STPG2: variants seen among roughly 807,000 people sequenced by gnomAD.
STPG2 encodes sperm-tail PG-rich repeat-containing protein 2.
A neutral mutation model predicts 54.2 loss-of-function variants in STPG2; 56 were observed. That is an observed-to-expected ratio of 1.03 (90% CI 0.83 to 1.29). The LOEUF is 1.29. STPG2 is among the 50% of genes most tolerant of loss of function. The probability of loss-of-function intolerance (pLI) is 0.00; values close to 1 mark genes in which losing one functional copy is unlikely to be tolerated. For missense variants in STPG2, 596 were observed against 544.9 expected (o/e 1.09, Z -0.93); for synonymous variants, 200 against 181.8 (o/e 1.10, Z -0.81).
chr4:97,862,859 C>A (rs1014644900), intron 8 of STPG2, among the ~76,000 whole-genome samples: 2 of 152,088 alleles, frequency 1.3e-5, no homozygotes, highest in Non-Finnish European at 2.9e-5. Flanking sequence ...GCATACGTAA[C>A]GAAATGGAGG....
chr4:97,902,489 G>A (rs1442035077), intron 8 of STPG2, among the ~76,000 whole-genome samples: 2 of 152,158 alleles, frequency 1.3e-5, no homozygotes, highest in East Asian at 3.9e-4. Flanking sequence ...CAAAATACTT[G>A]AATAAGATAT....
intron 4 of STPG2, among the ~76,000 whole-genome samples, chr4:97,517,289 T>C (rs1731094632): frequency 6.6e-6 from 1 of 151,998 alleles, no homozygotes; most frequent in Non-Finnish European, 1.5e-5. Flanking sequence ...GGCAGGAAAA[T>C]TGCTTGAGCC....
At chr4:97,595,250 C>T (rs1342424782) in intron 10 of STPG2, among the ~76,000 whole-genome samples, 1 of 152,130 alleles carries the variant, frequency 6.6e-6, no homozygotes, top group African/African-American at 2.4e-5. Context: ...CACATATACA[C>T]CATGGAATAC....
intron 9 of STPG2, among the ~76,000 whole-genome samples, chr4:97,740,571 GACAA>G (rs1313233670): frequency 2.6e-5 from 4 of 151,960 alleles, no homozygotes; most frequent in African/African-American, 4.8e-5. Flanking sequence ...ACCAATAACA[GACAA>G]ACAGAGAGCC....
At chr4:97,622,889 C>G (rs927664620) in intron 10 of STPG2, among the ~76,000 whole-genome samples, 3 of 152,090 alleles carry the variant, frequency 2.0e-5, no homozygotes, top group Non-Finnish European at 2.9e-5. Context: ...CTATAGTAAT[C>G]AAAACAGCAC....
intron 10 of STPG2, among the ~76,000 whole-genome samples, chr4:97,679,878 T>C (rs1722975916): frequency 1.3e-5 from 2 of 152,002 alleles, no homozygotes; most frequent in South Asian, 2.1e-4. Flanking sequence ...ATTTATTAAA[T>C]AGGGAATCCT....
chr4:97,694,482 A>C (rs1486967636), intron 10 of STPG2, among the ~76,000 whole-genome samples: 1 of 152,044 alleles, frequency 6.6e-6, no homozygotes, highest in Non-Finnish European at 1.5e-5. Flanking sequence ...TGAACAGATC[A>C]GTAACAAGCA....
intron 10 of STPG2, among the ~76,000 whole-genome samples, chr4:97,632,999 T>C (rs1403720174): frequency 6.6e-6 from 1 of 152,112 alleles, no homozygotes; most frequent in Non-Finnish European, 1.5e-5. Context: ...GGTAGGTAGG[T>C]AGATCAATAG....
intron 5 of STPG2, among the ~76,000 whole-genome samples, chr4:98,090,677 C>T (rs2110126001): frequency 6.6e-6 from 1 of 152,072 alleles, no homozygotes; most frequent in Admixed American, 6.5e-5. Context: ...ATTGATTCTC[C>T]CCAACCATCA....
intron 9 of STPG2, among the ~76,000 whole-genome samples, chr4:97,779,288 C>A (rs552622919): frequency 1.9e-4 from 29 of 152,092 alleles, no homozygotes; most frequent in Non-Finnish European, 4.0e-4. Flanking sequence ...GACAAATGTA[C>A]AAGCTTCAGT....
chr4:97,997,850 G>T (rs1398451364), intron 5 of STPG2, among the ~76,000 whole-genome samples: 1 of 152,072 alleles, frequency 6.6e-6, no homozygotes, highest in Non-Finnish European at 1.5e-5. Flanking sequence ...AGACACTGGG[G>T]TCTACTTGCA....
intron 5 of STPG2, among the ~76,000 whole-genome samples, chr4:98,039,162 G>T (rs141948677): frequency 1.3e-5 from 2 of 151,632 alleles, no homozygotes; most frequent in Non-Finnish European, 2.9e-5. Flanking sequence ...AGGCAAAGAC[G>T]GTTAGTGCAA....
intron 8 of STPG2, among the ~76,000 whole-genome samples, chr4:97,903,324 C>T (rs1731252766): frequency 6.6e-6 from 1 of 151,912 alleles, no homozygotes; most frequent in Admixed American, 6.6e-5. Context: ...TATCTCAAAA[C>T]ATCACATTGT....
intron 10 of STPG2, among the ~76,000 whole-genome samples, chr4:97,602,650 G>T (rs1733494451): frequency 1.3e-5 from 2 of 151,464 alleles, no homozygotes; most frequent in African/African-American, 4.8e-5. Flanking sequence ...GAGTTTTATG[G>T]GACACTTTTT....
chr4:97,692,674 C>G (rs1377317785), intron 10 of STPG2, among the ~76,000 whole-genome samples: 2 of 152,102 alleles, frequency 1.3e-5, no homozygotes, highest in Non-Finnish European at 2.9e-5. Context: ...TCTAGACACT[C>G]AACTACAAGA....
chr4:97,610,344 C>A (rs148583908), intron 10 of STPG2, among the ~76,000 whole-genome samples: 3 of 152,104 alleles, frequency 2.0e-5, no homozygotes, highest in African/African-American at 7.2e-5. Flanking sequence ...GTAAAGTAAA[C>A]AATTCATTGC....
chr4:98,000,511 T>G (rs907959582), intron 5 of STPG2, among the ~76,000 whole-genome samples: 3 of 152,172 alleles, frequency 2.0e-5, no homozygotes, highest in African/African-American at 7.2e-5. Flanking sequence ...AAATTTGACT[T>G]GAAACTGTAG....
chr4:97,690,413 C>T (rs1197728811), intron 10 of STPG2, among the ~76,000 whole-genome samples: 2 of 151,864 alleles, frequency 1.3e-5, no homozygotes, highest in Admixed American at 6.6e-5. Flanking sequence ...AGGGCAAAAC[C>T]AGAAATCTAT....
At chr4:97,709,410 C>T (rs1167038618) in intron 10 of STPG2, among the ~76,000 whole-genome samples, 1 of 151,448 alleles carries the variant, frequency 6.6e-6, no homozygotes, top group Non-Finnish European at 1.5e-5. Flanking sequence ...CCCAATTCTG[C>T]TATTAAAAAT....
Sources: allele counts gnomAD v4.1 joint callset (sites outside exome capture counted in the v4.1 genomes callset), GRCh38; gene constraint gnomAD v4.1.1; transcripts MANE v1.5; gene names NCBI Gene and HGNC (gene_info 2026-07-23, HGNC 2026-07-21).